PCOLCE2: variants seen among roughly 807,000 people sequenced by gnomAD.
PCOLCE2 encodes the protein procollagen C-endopeptidase enhancer 2.
PCOLCE2 carries 42 observed loss-of-function variants against 47.0 expected under a neutral mutation model. That is an observed-to-expected ratio of 0.89 (90% CI 0.70 to 1.16). The LOEUF is 1.16. PCOLCE2 is among the 50% of genes most tolerant of loss of function. The pLI is 0.00. For synonymous variants in PCOLCE2, 169 were observed against 191.7 expected (o/e 0.88, Z 0.98); for missense variants, 500 against 526.1 (o/e 0.95, Z 0.49).
intron 7 of PCOLCE2, among the ~76,000 whole-genome samples, chr3:142,821,672 G>C (rs976923336): frequency 3.3e-5 from 5 of 150,744 alleles, no homozygotes; most frequent in Non-Finnish European, 7.4e-5. Context: ...CTGAAGTATA[G>C]AACTGAGGTA....
chr3:142,856,088 T>C (rs1208018486), intron 2 of PCOLCE2, among the ~76,000 whole-genome samples: 1 of 152,190 alleles, frequency 6.6e-6, no homozygotes, highest in East Asian at 1.9e-4. Flanking sequence ...CAGTGTGACG[T>C]GGCCACCAAG....
intron 2 of PCOLCE2, among the ~76,000 whole-genome samples, chr3:142,882,802 C>T (rs1933651212): frequency 6.6e-6 from 1 of 152,038 alleles, no homozygotes; most frequent in South Asian, 2.1e-4. Context: ...AATCTAAGAA[C>T]AGAATCAATT....
chr3:142,831,672 A>G (rs1299431029), intron 5 of PCOLCE2, among the ~76,000 whole-genome samples: 2 of 152,230 alleles, frequency 1.3e-5, no homozygotes, highest in Non-Finnish European at 2.9e-5. Flanking sequence ...ACAATTACAA[A>G]TAAAACATGT....
At chr3:142,843,166 C>T (rs534033950) in intron 3 of PCOLCE2, 118 bp from the exon 4 acceptor site, 28 of 955,260 alleles carry the variant, frequency 2.9e-5, no homozygotes, top group Non-Finnish European at 4.6e-5. Context: ...AAGGCAACAG[C>T]AGAAGCGCTT....
chr3:142,824,698 G>A (rs1937054265), intron 6 of PCOLCE2, among the ~76,000 whole-genome samples: 1 of 152,162 alleles, frequency 6.6e-6, no homozygotes, highest in East Asian at 1.9e-4. Flanking sequence ...GGAGTACAAT[G>A]GTGTGATCTT....
chr3:142,862,060 G>T (rs1485105175), intron 2 of PCOLCE2, among the ~76,000 whole-genome samples: 4 of 152,120 alleles, frequency 2.6e-5, no homozygotes, highest in East Asian at 3.9e-4. Flanking sequence ...CTTCTGCTAG[G>T]CTTGCAGTTC....
At chr3:142,887,490 G>A in intron 2 of PCOLCE2, 179 bp downstream of exon 2, 1 of 563,052 alleles carries the variant, frequency 1.8e-6, no homozygotes, top group East Asian at 2.9e-5. Context: ...ACTAATGCAG[G>A]ACACGACTAG....
At chr3:142,828,940 C>A (rs961926947) in intron 6 of PCOLCE2, among the ~76,000 whole-genome samples, 1 of 152,210 alleles carries the variant, frequency 6.6e-6, no homozygotes, top group Non-Finnish European at 1.5e-5. Flanking sequence ...CTGTACTCAG[C>A]CCCAGCCTAG....
chr3:142,832,446 C>T (rs146371807), intron 5 of PCOLCE2, among the ~76,000 whole-genome samples: 1 of 152,226 alleles, frequency 6.6e-6, no homozygotes, highest in East Asian at 1.9e-4. Flanking sequence ...CACATCTCTC[C>T]CGCGTATCTT....
chr3:142,872,769 G>A (rs1304938668), intron 2 of PCOLCE2, among the ~76,000 whole-genome samples: 4 of 152,116 alleles, frequency 2.6e-5, no homozygotes, highest in African/African-American at 9.7e-5. Context: ...TTACTCCAGG[G>A]TGACTGAATA....
chr3:142,837,894 A>C (rs1937222307), intron 5 of PCOLCE2, among the ~76,000 whole-genome samples: 1 of 152,242 alleles, frequency 6.6e-6, no homozygotes, highest in African/African-American at 2.4e-5. Flanking sequence ...AGGTCCACTT[A>C]GCAAAAATTT....
At position 142,838,867 on chromosome 3, in the gene PCOLCE2, C is replaced by G. The variant is rs1226751407; in HGVS notation, c.613G>C (p.Asp205His). ...LKFEKFDVERDNYCRYDYVAV... is the reference protein window; with the variant it reads ...LKFEKFDVERHNYCRYDYVAV... ...ACATAATCATATCGGCAGTAGTTATCTCGCTCCACATCAAACTTCTCAAAC... is the reference window on the plus strand; with the variant it reads ...ACATAATCATATCGGCAGTAGTTATGTCGCTCCACATCAAACTTCTCAAAC... The change falls in exon 5 of 9, where the codon GAT (aspartate) becomes CAT (histidine). Residue 205 changes from aspartate (D) to histidine (H), a missense_variant. By Grantham distance (81) the Asp-to-His change is moderately conservative (BLOSUM62 -1). Coordinates refer to ENST00000295992, the MANE Select transcript of PCOLCE2 (RefSeq NM_013363.4). 3.1e-6 allele frequency: 5 copies of G among 1,613,054 alleles called. No individual in the cohort carries two copies. The highest frequency in any genetic ancestry group is 4.2e-6 in the Non-Finnish European group (5 of 1,179,138).
intron 2 of PCOLCE2, among the ~76,000 whole-genome samples, chr3:142,863,564 C>G (rs1933224677): frequency 6.6e-6 from 1 of 152,204 alleles, no homozygotes; most frequent in Non-Finnish European, 1.5e-5. Flanking sequence ...CTGTCTTACT[C>G]TAGCCAGATG....
At chr3:142,856,488 T>A (rs1298549091) in intron 2 of PCOLCE2, among the ~76,000 whole-genome samples, 1 of 152,168 alleles carries the variant, frequency 6.6e-6, no homozygotes, top group Non-Finnish European at 1.5e-5. Context: ...TGCCTAAGCA[T>A]GAAGATGTTC....
chr3:142,827,655 G>A (rs1937098613), intron 6 of PCOLCE2: 9 of 1,447,368 alleles, frequency 6.2e-6, no homozygotes, highest in South Asian at 1.1e-5. Flanking sequence ...AGCTCCGTCC[G>A]CTTCTTAAAC....
At chr3:142,823,043 G>A (rs1937032867) in intron 7 of PCOLCE2, among the ~76,000 whole-genome samples, 1 of 152,210 alleles carries the variant, frequency 6.6e-6, no homozygotes, top group African/African-American at 2.4e-5. Context: ...GTTCCAGTTT[G>A]TGAGAGTTTC....
At chr3:142,881,458 ATTGT>A (rs1467175357) in intron 2 of PCOLCE2, among the ~76,000 whole-genome samples, 2 of 152,364 alleles carry the variant, frequency 1.3e-5, no homozygotes, top group East Asian at 3.9e-4. Context: ...ACAGTCATGC[ATTGT>A]TTAATGATGG....
rs377468452 is a variant in PCOLCE2 at position 142,820,996 on chromosome 3, G to C, written c.999C>G (p.His333Gln). 6.2e-7 allele frequency: 1 copy of C among 1,613,662 alleles called. No homozygotes were observed. Among genetic ancestry groups the C allele is most frequent in the South Asian group, 1.1e-5 (1 of 91,028 alleles). Residue 333 changes from histidine to glutamine, a missense_variant, in exon 8 of 9, where the codon CAC (histidine) becomes CAG (glutamine). Coordinates refer to ENST00000295992, the MANE Select transcript of PCOLCE2 (RefSeq NM_013363.4). ...AGATGTTGATGATCGAGACTGTGGC[G>C]TGCAAACTCCCATCGCGAGTGATGG... Reference protein sequence around the residue: ...ITTITRDGSLHATVSIINIYK... With the variant: ...ITTITRDGSLQATVSIINIYK...
intron 2 of PCOLCE2, among the ~76,000 whole-genome samples, chr3:142,849,117 C>A (rs2108197832): frequency 6.6e-6 from 1 of 151,308 alleles, no homozygotes; most frequent in South Asian, 2.1e-4. Flanking sequence ...CGCGCCACTG[C>A]ACTCCAGCCT....
Sources: allele counts gnomAD v4.1 joint callset (sites outside exome capture counted in the v4.1 genomes callset), GRCh38; gene constraint gnomAD v4.1.1; transcripts MANE v1.5; gene names NCBI Gene and HGNC (gene_info 2026-07-23, HGNC 2026-07-21).